KCNIP4: variants seen among roughly 807,000 people sequenced by gnomAD.
KCNIP4 encodes Kv channel-interacting protein 4.
A neutral mutation model predicts 34.0 loss-of-function variants in KCNIP4; 12 were observed. That is an observed-to-expected ratio of 0.35 (90% CI 0.23 to 0.57). KCNIP4 has a LOEUF of 0.57. Ranked by LOEUF, KCNIP4 falls within the 20% of genes least tolerant of loss-of-function variation. The probability of loss-of-function intolerance (pLI) is 0.83; values close to 1 mark genes in which losing one functional copy is unlikely to be tolerated. For synonymous variants in KCNIP4, 124 were observed against 102.2 expected (o/e 1.21, Z -1.29); for missense variants, 238 against 311.7 (o/e 0.76, Z 1.78).
chr4:21,787,991 A>G (rs1480821400), intron 1 of KCNIP4, among the ~76,000 whole-genome samples: 1 of 152,164 alleles, frequency 6.6e-6, no homozygotes, highest in African/African-American at 2.4e-5. Context: ...AAGAAAAAAA[A>G]AAAGAGAGAT....
chr4:20,918,587 C>T (rs948319290), intron 1 of KCNIP4, among the ~76,000 whole-genome samples: 4 of 152,138 alleles, frequency 2.6e-5, no homozygotes, highest in Admixed American at 2.6e-4. Context: ...GAAATTCCTA[C>T]TGGATTCCAG....
At chr4:20,734,018 G>A (rs769125220) in intron 6 of KCNIP4, among the ~76,000 whole-genome samples, 13 of 152,152 alleles carry the variant, frequency 8.5e-5, no homozygotes, top group Non-Finnish European at 2.9e-5. Context: ...CAGGACATAG[G>A]CACACTGAGA....
intron 3 of KCNIP4, among the ~76,000 whole-genome samples, chr4:20,797,518 G>A (rs1713632984): frequency 6.6e-6 from 1 of 152,194 alleles, no homozygotes; most frequent in Non-Finnish European, 1.5e-5. Context: ...CTGCGATTAA[G>A]TAAAGCTATG....
At chr4:20,875,338 A>G (rs1243729856) in intron 2 of KCNIP4, among the ~76,000 whole-genome samples, 4 of 152,172 alleles carry the variant, frequency 2.6e-5, no homozygotes, top group Non-Finnish European at 5.9e-5. Flanking sequence ...TGTGATTCAG[A>G]AATTAAATAA....
intron 1 of KCNIP4, among the ~76,000 whole-genome samples, chr4:21,176,285 T>C (rs887808264): frequency 6.6e-6 from 1 of 152,190 alleles, no homozygotes; most frequent in Non-Finnish European, 1.5e-5. Context: ...CTGGACTAGA[T>C]TCCTGTCTCA....
rs571509728 is a variant in KCNIP4, at chr4:20,945,498, A to T, written c.62-62789T>A. 2.0e-4 allele frequency among the ~76,000 whole-genome samples: 31 copies of T among 152,310 alleles called. No homozygotes were observed. In the East Asian group the frequency reaches 2.1e-3, roughly 10 times the overall value. ...GGTATACAATGTCATAATATATATG[A>T]AAGCATTTTATTTCAAAGCCTTATG... On this transcript the variant is annotated intron_variant, in intron 1 of 8. Transcript: ENST00000382152.
chr4:21,770,591 G>A (rs1718713256), intron 1 of KCNIP4, among the ~76,000 whole-genome samples: 1 of 151,992 alleles, frequency 6.6e-6, no homozygotes, highest in Admixed American at 6.6e-5. Flanking sequence ...AAGTGTTCCT[G>A]TTTCACCATA....
At chr4:21,278,204 T>C (rs992197429) in intron 1 of KCNIP4, among the ~76,000 whole-genome samples, 2 of 152,166 alleles carry the variant, frequency 1.3e-5, no homozygotes, top group African/African-American at 4.8e-5. Context: ...AAGATAATTC[T>C]TTGTTAACTT....
intron 3 of KCNIP4, chr4:20,766,808 A>G (rs1377158067): frequency 6.6e-6 from 1 of 152,112 alleles, no homozygotes; most frequent in Non-Finnish European, 1.5e-5. Flanking sequence ...TATTTAGAGG[A>G]ATCTAGTGCA....
At chr4:21,315,490 T>A (rs879572953) in intron 1 of KCNIP4, 8 of 152,190 alleles carry the variant, frequency 5.3e-5, no homozygotes, top group Non-Finnish European at 7.3e-5. Flanking sequence ...AGGCTATCAA[T>A]ACCTCAATTT....
chr4:20,734,484 T>C, intron 6 of KCNIP4, 144 bp downstream of exon 6: 1 of 457,556 alleles, frequency 2.2e-6, no homozygotes, highest in Non-Finnish European at 3.9e-6. Context: ...CCCAAGTTTT[T>C]AATTGTACAT....
chr4:21,052,228 T>C (rs1013320198), intron 1 of KCNIP4, among the ~76,000 whole-genome samples: 1 of 152,172 alleles, frequency 6.6e-6, no homozygotes, highest in African/African-American at 2.4e-5. Flanking sequence ...GCTCATGCCC[T>C]TTTCTAAGAA....
At chr4:21,648,908 T>C (rs1368046839) in intron 1 of KCNIP4, among the ~76,000 whole-genome samples, 4 of 152,216 alleles carry the variant, frequency 2.6e-5, no homozygotes, top group Non-Finnish European at 5.9e-5. Flanking sequence ...CTTTATGATA[T>C]ATACTCCTGT....
chr4:21,058,305 C>T (rs987313165), intron 1 of KCNIP4, among the ~76,000 whole-genome samples: 2 of 152,080 alleles, frequency 1.3e-5, no homozygotes, highest in African/African-American at 4.8e-5. Flanking sequence ...ACAAGAAGGA[C>T]ATATATCATC....
chr4:21,717,232 C>T (rs567698476), intron 1 of KCNIP4, among the ~76,000 whole-genome samples: 11 of 152,230 alleles, frequency 7.2e-5, no homozygotes, highest in East Asian at 3.9e-4. Flanking sequence ...TGTTGCTAGA[C>T]ATTCTCTAAT....
chr4:21,403,348 C>G (rs1167954308), intron 1 of KCNIP4, among the ~76,000 whole-genome samples: 1 of 152,170 alleles, frequency 6.6e-6, no homozygotes, highest in Non-Finnish European at 1.5e-5. Context: ...CCACTGCTAT[C>G]ATCCTAGTCA....
intron 1 of KCNIP4, among the ~76,000 whole-genome samples, chr4:21,239,502 C>G (rs1199124649): frequency 3.3e-5 from 5 of 151,966 alleles, no homozygotes; most frequent in Non-Finnish European, 5.9e-5. Flanking sequence ...TATCCAGAAT[C>G]TACAATGAAC....
At chr4:21,422,567 A>T (rs908486561) in intron 1 of KCNIP4, among the ~76,000 whole-genome samples, 3 of 152,110 alleles carry the variant, frequency 2.0e-5, no homozygotes, top group Non-Finnish European at 4.4e-5. Flanking sequence ...AAGATCTCAT[A>T]AAGCAATCTT....
chr4:20,758,138 G>C (rs1024192066), intron 4 of KCNIP4, among the ~76,000 whole-genome samples: 8 of 152,108 alleles, frequency 5.3e-5, no homozygotes, highest in African/African-American at 1.9e-4. Flanking sequence ...TTGGGCATCT[G>C]TTAGGTAATT....
Sources: allele counts gnomAD v4.1 joint callset (sites outside exome capture counted in the v4.1 genomes callset), GRCh38; gene constraint gnomAD v4.1.1; transcripts MANE v1.5; gene names NCBI Gene and HGNC (gene_info 2026-07-23, HGNC 2026-07-21).